The following HIVEP2 variants were observed in gnomAD, a reference collection of about 807,000 sequenced individuals.
HIVEP2 encodes the protein transcription factor HIVEP2.
In HIVEP2, 14 loss-of-function variants were observed where a neutral mutation model predicts 180.7. The observed-to-expected ratio is 0.08, with a 90% CI of 0.05 to 0.12. The LOEUF is 0.12. HIVEP2 is among the 10% of genes least tolerant of loss of function. HIVEP2 has a pLI of 1.00. For synonymous variants in HIVEP2, 1,184 were observed against 1,136.4 expected (o/e 1.04, Z -0.84); for missense variants, 2,579 against 3,008.5 (o/e 0.86, Z 3.34).
chr6:142,757,105 T>A (rs1775097110), intron 9 of HIVEP2, among the ~76,000 whole-genome samples: 1 of 152,212 alleles, frequency 6.6e-6, no homozygotes, highest in Non-Finnish European at 1.5e-5. Context: ...CTGTGTTGGC[T>A]ATGATCACCA....
chr6:142,883,212 C>G (rs991813667), intron 1 of HIVEP2, among the ~76,000 whole-genome samples: 2 of 151,948 alleles, frequency 1.3e-5, no homozygotes, highest in Admixed American at 6.6e-5. Context: ...GGGGGAAAAG[C>G]TTTGGGAGAA....
chr6:142,784,115 A>G (rs1775924995), intron 2 of HIVEP2, among the ~76,000 whole-genome samples: 1 of 152,238 alleles, frequency 6.6e-6, no homozygotes. Context: ...AAGTCTAGTA[A>G]GTAATGAAGA....
intron 1 of HIVEP2, among the ~76,000 whole-genome samples, chr6:142,861,168 T>C (rs1775969691): frequency 6.6e-6 from 1 of 152,068 alleles, no homozygotes; most frequent in African/African-American, 2.4e-5. Flanking sequence ...CAAAGGAAAA[T>C]GCAGGCTAGA....
In HIVEP2 at chr6:142,830,348, G is replaced by T. The variant is rs1001801445; in HGVS notation, c.-528+6587C>A. 2.0e-5 allele frequency among the ~76,000 whole-genome samples: 3 copies of T among 152,260 alleles called. No homozygotes were observed. In the East Asian group the frequency reaches 5.8e-4, roughly 29 times the overall value. ...TTTCTTTGCTGTGCTATTTCAGCAA[G>T]TCGTGAGATGGCAATGATCACCCTC... is the stretch of plus-strand genomic sequence containing the variant. On this transcript the variant is annotated intron_variant, in intron 2 of 9. Coordinates refer to ENST00000367603, the MANE Select transcript of HIVEP2 (RefSeq NM_006734.4).
rs189877618 is a variant in HIVEP2, at chr6:142,943,710, C to A, written c.-641+1389G>T. ...AGGAGAAAAATCAGCTCAAATTTTCCATTATAATGAAAGTACAGGAAACAA... is the reference window on the plus strand; with the variant it reads ...AGGAGAAAAATCAGCTCAAATTTTCAATTATAATGAAAGTACAGGAAACAA... On this transcript the variant is annotated intron_variant, in intron 1 of 9. Coordinates refer to ENST00000367603, the MANE Select transcript of HIVEP2 (RefSeq NM_006734.4). This position sits in a 1 kb window ranked among gnomAD's most constrained non-coding sequence, Gnocchi z 4.5. Among the ~76,000 whole-genome samples, 1 of 152,188 alleles carries A rather than the reference C, an allele frequency of 6.6e-6. No homozygotes were observed. The highest frequency in any genetic ancestry group is 1.9e-4 in the East Asian group (1 of 5,178).
At chr6:142,830,529 T>G (rs1258574716) in intron 2 of HIVEP2, among the ~76,000 whole-genome samples, 2 of 151,916 alleles carry the variant, frequency 1.3e-5, no homozygotes, top group African/African-American at 4.8e-5. Context: ...TAAGAAAACC[T>G]AAAATCATCC....
intron 1 of HIVEP2, among the ~76,000 whole-genome samples, chr6:142,907,978 T>C (rs999338759): frequency 6.6e-6 from 1 of 152,190 alleles, no homozygotes; most frequent in Non-Finnish European, 1.5e-5. Flanking sequence ...TCTTACCAAC[T>C]GAATTACAGA....
intron 2 of HIVEP2, among the ~76,000 whole-genome samples, chr6:142,786,628 T>C (rs896204225): frequency 1.3e-5 from 2 of 152,224 alleles, no homozygotes; most frequent in African/African-American, 4.8e-5. Flanking sequence ...CATTAGTTAC[T>C]TGTTGTTGGA....
intron 1 of HIVEP2, among the ~76,000 whole-genome samples, chr6:142,927,192 G>A (rs187676650): frequency 6.6e-6 from 1 of 152,276 alleles, no homozygotes; most frequent in East Asian, 1.9e-4. Context: ...CAGACTGCAG[G>A]CTGCCCTCCT....
chr6:142,913,061 CT>C (rs1362991866), intron 1 of HIVEP2, among the ~76,000 whole-genome samples: 2 of 152,194 alleles, frequency 1.3e-5, no homozygotes, highest in African/African-American at 4.8e-5. Flanking sequence ...GAGACTAAGA[CT>C]GTCATCAGCC....
intron 3 of HIVEP2, among the ~76,000 whole-genome samples, chr6:142,782,063 C>G (rs1346197688): frequency 6.6e-6 from 1 of 152,182 alleles, no homozygotes; most frequent in African/African-American, 2.4e-5. Context: ...TGACTGGCAG[C>G]AAACACGGCT....
intron 2 of HIVEP2, among the ~76,000 whole-genome samples, chr6:142,829,573 G>T (rs573864988): frequency 2.0e-5 from 3 of 152,272 alleles, no homozygotes; most frequent in African/African-American, 7.2e-5. Flanking sequence ...TTCTATTTTA[G>T]GTAGGGTTTA....
rs775885676 is a variant in HIVEP2, at chr6:142,772,546, T to C, written c.2193A>G (p.Lys731=). 3.5e-5 allele frequency: 57 copies of C among 1,614,006 alleles called. 1 individual carries two copies. The South Asian group carries it at 5.7e-4, about 16-fold the overall frequency. ...TCCTGACTCCTTCCTGCATCTGCAG[T>C]TTGGGGTCATAATCGGAAGCCATGA... is the stretch of plus-strand genomic sequence containing the variant. ...VGIMASDYDP[K]LQMQEGVRSG... is the part of the protein sequence containing the mutation. Residue 731 remains lysine (K), a synonymous_variant, in exon 5 of 10, where the codon AAA becomes AAG. Transcript: ENST00000367603. The surrounding 1 kb of genome is among the most constrained non-coding windows in gnomAD (Gnocchi z 4.9).
intron 1 of HIVEP2, among the ~76,000 whole-genome samples, chr6:142,944,162 T>C (rs1778244697): frequency 6.6e-6 from 1 of 152,178 alleles, no homozygotes; most frequent in South Asian, 2.1e-4. Context: ...ACCAAGTCCC[T>C]GAAGGACAAC....
At position 142,774,545 on chromosome 6, in the gene HIVEP2, C is replaced by A. The variant is rs61729347; in HGVS notation, c.194G>T (p.Gly65Val). The change falls in exon 5 of 10, where the codon GGT (glycine) becomes GTT (valine). Residue 65 changes from glycine to valine, a missense_variant. Gly to Val is a moderately radical substitution (Grantham distance 109, BLOSUM62 -3). This residue lies in a region of HIVEP2 where 207 missense variants were observed against 210.1 expected (regional missense o/e 0.99). Coordinates refer to ENST00000367603, the MANE Select transcript of HIVEP2 (RefSeq NM_006734.4). The surrounding 1 kb of genome is among the most constrained non-coding windows in gnomAD (Gnocchi z 5.1). ...IGNTASAQLF[G>V]SGKLASPSEV... ...ACTAGGGGAGGCCAGTTTCCCAGAA[C>A]CAAACAGTTGTGCTGATGCTGTGTT... 3.8e-3 allele frequency: 6,212 copies of A among 1,614,190 alleles called. 26 individuals are homozygous for A. The highest frequency in any genetic ancestry group is 5.0e-3 in the Non-Finnish European group (5,888 of 1,180,036).
In HIVEP2 at chr6:142,772,373, A is replaced by G. The variant is rs753063775; in HGVS notation, c.2366T>C (p.Leu789Pro). 3.1e-6 allele frequency: 5 copies of G among 1,614,088 alleles called. No individual in the cohort carries two copies. Among genetic ancestry groups the G allele is most frequent in the Non-Finnish European group, 4.2e-6 (5 of 1,180,026 alleles). Reference protein sequence around the residue: ...SAIDSDKMSDLGGRKPPGNVI... With the variant: ...SAIDSDKMSDPGGRKPPGNVI... ...ATTTCCAGGAGGTTTCCTGCCCCCT[A>G]GGTCTGACATCTTGTCTGAATCAAT... The change falls in exon 5 of 10, where the codon CTA (leucine) becomes CCA (proline). Residue 789 changes from leucine to proline, a missense_variant. Leu to Pro is a moderately conservative substitution (Grantham distance 98, BLOSUM62 -3). Around this residue, in one of 11 missense-constraint regions of HIVEP2, gnomAD observed 524 missense variants for 563.6 expected, o/e 0.93. Transcript: ENST00000367603. The surrounding 1 kb of genome is among the most constrained non-coding windows in gnomAD (Gnocchi z 4.9).
intron 2 of HIVEP2, among the ~76,000 whole-genome samples, chr6:142,822,851 G>A (rs1011933166): frequency 5.3e-5 from 8 of 152,152 alleles, no homozygotes; most frequent in Non-Finnish European, 8.8e-5. Context: ...AACACTTATT[G>A]ACTTGGAAAT....
At chr6:142,807,952 T>C (rs1050894919) in intron 2 of HIVEP2, among the ~76,000 whole-genome samples, 88 of 152,126 alleles carry the variant, frequency 5.8e-4, no homozygotes, top group African/African-American at 2.0e-3. Flanking sequence ...CCTAAAGCAA[T>C]ATTTCTAGTC....
rs1443980239 is a variant in HIVEP2 at position 142,845,267 on chromosome 6, A to G, written c.-640-8220T>C. On this transcript the variant is annotated intron_variant, in intron 1 of 9. Coordinates refer to ENST00000367603, the MANE Select transcript of HIVEP2 (RefSeq NM_006734.4). ...CTCTGTGGGAAATATTAGTAATCCT[A>G]TTAAGGCACAGTGCAAGGTGTGTCA... Among the ~76,000 whole-genome samples, 7 of 152,208 alleles carry G rather than the reference A, an allele frequency of 4.6e-5. 1 individual carries two copies. Among genetic ancestry groups the G allele is most frequent in the Admixed American group, 4.6e-4 (7 of 15,286 alleles).
Sources: gnomAD v4.1 joint callset for allele counts (sites outside exome capture counted in the v4.1 genomes callset) on GRCh38, gnomAD v4.1.1 for gene constraint, gnomAD v4.1.1 regional missense constraint, Gnocchi (gnomAD v3.1) non-coding constraint, MANE v1.5 for transcripts, NCBI Gene and HGNC (gene_info 2026-07-23, HGNC 2026-07-21) for gene names.